IMPDH2: variants seen among roughly 807,000 people sequenced by gnomAD.
The protein encoded by IMPDH2 is inosine monophosphate dehydrogenase 2.
IMPDH2 carries 33 observed loss-of-function variants against 57.8 expected under a neutral mutation model. The ratio of observed to expected loss-of-function variants is 0.57; its 90% CI spans 0.43 to 0.76. The LOEUF (loss-of-function observed/expected upper bound fraction) is 0.76, where lower values mean the gene tolerates loss of function less well. Among genes scored for constraint, IMPDH2 ranks in the 30% least tolerant of loss-of-function variants. IMPDH2 has a pLI of 0.00. For synonymous variants in IMPDH2, 270 were observed against 241.3 expected, an observed-to-expected ratio of 1.12 and a Z score of -1.10; for missense variants, 446 against 659.1, an observed-to-expected ratio of 0.68 and a Z score of 3.54.
chr3:49,026,821 T>TC lies in IMPDH2; in HGVS notation c.684dup (p.Lys229GlufsTer26), dbSNP rs1241967939. 6.2e-7 allele frequency: 1 copy of TC among 1,614,248 alleles called. No homozygotes were observed. Among genetic ancestry groups the TC allele is most frequent in the Admixed American group, 1.7e-5 (1 of 60,032 alleles). On this transcript the variant is annotated frameshift_variant, in exon 7 of 14. Transcript: ENST00000326739. LOFTEE classifies it high-confidence loss of function. The stretch of plus-strand genomic sequence containing the variant: ...GAGGCTAGTGGGTAGTCCCGATTCT[T>TC]CTTCAGGTCTGTCCGGGCAATGATG...
intron 1 of IMPDH2, 131 bp downstream of exon 1, chr3:49,029,122 G>C (rs755856149): frequency 1.3e-6 from 1 of 743,226 alleles, no homozygotes. Context: ...GTGAGCCCCG[G>C]AGGTGGGTGG....
chr3:49,027,197 T>C (rs575172451), intron 5 of IMPDH2, 150 bp from the exon 6 acceptor site: 10 of 676,044 alleles, frequency 1.5e-5, no homozygotes, highest in Non-Finnish European at 2.4e-5. Flanking sequence ...GGTTTCACCA[T>C]GTTGGCCAGG....
chr3:49,026,298 TG>T (rs1411611689), intron 9 of IMPDH2, 25 bp downstream of exon 9: 1 of 1,506,352 alleles, frequency 6.6e-7, no homozygotes, highest in Non-Finnish European at 9.1e-7. Context: ...GGGGTCTCTG[TG>T]GGCCCTATCA....
At chr3:49,028,979 C>G in intron 1 of IMPDH2, 173 bp from the exon 2 acceptor site, 1 of 669,334 alleles carries the variant, frequency 1.5e-6, no homozygotes, top group Non-Finnish European at 2.7e-6. Flanking sequence ...ACCTTTTCTG[C>G]CACCGAGCTG....
intron 1 of IMPDH2, 77 bp from the exon 2 acceptor site, chr3:49,028,883 C>A: frequency 8.9e-7 from 1 of 1,122,988 alleles, no homozygotes; most frequent in South Asian, 1.3e-5. Context: ...ATGTACCAAT[C>A]AACCCGTAAC....
chr3:49,025,481 C>T (rs999371463), intron 9 of IMPDH2: 14 of 584,604 alleles, frequency 2.4e-5, no homozygotes, highest in Middle Eastern at 4.6e-4. Flanking sequence ...CACATGTGCA[C>T]GTGCATGTGT....
chr3:49,028,178 C>T (rs1050167200), intron 4 of IMPDH2, 70 bp downstream of exon 4: 4 of 1,254,424 alleles, frequency 3.2e-6, no homozygotes, highest in African/African-American at 1.5e-5. Context: ...AGAATAAACC[C>T]CTACTCCCAC....
Position 49,028,531 on chromosome 3 carries a change from T to C in IMPDH2, c.149A>G (p.Asp50Gly). 6.2e-7 allele frequency: 1 copy of C among 1,611,494 alleles called. No individual in the cohort carries two copies. Among genetic ancestry groups the C allele is most frequent in the African/African-American group, 1.3e-5 (1 of 74,974 alleles). The change falls in exon 3 of 14, where the codon GAC (aspartate) becomes GGC (glycine). Residue 50 changes from aspartate (D) to glycine (G), a missense_variant and splice_region_variant. By Grantham distance (94) the Asp-to-Gly change is moderately conservative. Coordinates refer to ENST00000326739, the MANE Select transcript of IMPDH2 (RefSeq NM_000884.3). Reference sequence around the variant, plus strand: ...TTTCTTGGTCAGAGCAGAAGTCAGGTCCTGAGGAGACAAACGTCAACCAGT... The same window carrying C: ...TTTCTTGGTCAGAGCAGAAGTCAGGCCCTGAGGAGACAAACGTCAACCAGT... Reference protein sequence around the residue: ...GYIDFTADQVDLTSALTKKIT... With the variant: ...GYIDFTADQVGLTSALTKKIT...
In IMPDH2 at chr3:49,025,277, G is replaced by C. The variant is rs1160770782; in HGVS notation, c.1007-8C>G. ...GCCGCCCACAGGCCAGCACTGTTGA[G>C]ATGGAGGAACACATGGGTGGATAGG... On this transcript the variant is annotated splice_region_variant and splice_polypyrimidine_tract_variant and intron_variant, in intron 9 of 13. Coordinates refer to ENST00000326739, the MANE Select transcript of IMPDH2 (RefSeq NM_000884.3). 1 of 1,614,222 alleles carries C rather than the reference G, an allele frequency of 6.2e-7. No individual in the cohort carries two copies. Among genetic ancestry groups the C allele is most frequent in the South Asian group, 1.1e-5 (1 of 91,088 alleles).
chr3:49,028,722 C>T, intron 2 of IMPDH2, 36 bp downstream of exon 2: 2 of 1,581,462 alleles, frequency 1.3e-6, no homozygotes, highest in Non-Finnish European at 1.7e-6. Flanking sequence ...CTTAGCTCAC[C>T]TTGATGTTCA....
At chr3:49,027,095 C>G (rs190064444) in intron 5 of IMPDH2, 48 bp from the exon 6 acceptor site, 2 of 1,377,128 alleles carry the variant, frequency 1.5e-6, no homozygotes, top group Admixed American at 1.7e-5. Context: ...CGACTATGAC[C>G]AGTTAACTCT....
intron 8 of IMPDH2, 21 bp from the exon 9 acceptor site, chr3:49,026,440 A>T: frequency 2.5e-6 from 4 of 1,610,720 alleles, no homozygotes; most frequent in Non-Finnish European, 3.4e-6. Flanking sequence ...GGAAAGGAAA[A>T]TGCTCATGTG....
intron 12 of IMPDH2, 25 bp from the exon 13 acceptor site, chr3:49,024,603 T>C: frequency 6.2e-7 from 1 of 1,614,180 alleles, no homozygotes; most frequent in Non-Finnish European, 8.5e-7. Flanking sequence ...AGGTCAAATG[T>C]GGGTAGCTGG....
intron 13 of IMPDH2, 45 bp from the exon 14 acceptor site, chr3:49,024,449 A>T: frequency 6.2e-6 from 10 of 1,614,112 alleles, no homozygotes; most frequent in Non-Finnish European, 8.5e-6. Flanking sequence ...AGGAGAAAGG[A>T]GGCATGAGGT....
At position 49,027,652 on chromosome 3, in the gene IMPDH2, C is replaced by G; in HGVS notation, c.531+58G>C. 2.1e-6 allele frequency: 3 copies of G among 1,402,848 alleles called. 1 individual carries two copies. The highest frequency in any genetic ancestry group is 3.0e-6 in the Non-Finnish European group (3 of 988,190). The allele number at this position is 1,402,848 out of a possible 1,614,324, so 86.9% of individuals were successfully genotyped here. On this transcript the variant is annotated intron_variant, in intron 5 of 13. Transcript: ENST00000326739. ...TCAGAGATGTCTTAGACAACAGAAG[C>G]CCCTTGTCTTCAACCTGGGCTGCTA...
Position 49,027,860 on chromosome 3 carries a change from C to A in IMPDH2, c.381G>T (p.Val127=). The part of the protein sequence containing the change: ...DPVVLSPKDR[V]RDVFEAKARH... Reference sequence around the variant, plus strand: ...GGGCCTTGGCCTCAAAAACATCCCGCACGCGATCCTTGGGGCTGAGGACCA... The same window carrying A: ...GGGCCTTGGCCTCAAAAACATCCCGAACGCGATCCTTGGGGCTGAGGACCA... The change falls in exon 5 of 14, where the codon GTG becomes GTT. Residue 127 remains valine, a synonymous_variant. Transcript: ENST00000326739. The A allele has an allele frequency of 6.2e-7, 1 of 1,614,226 alleles. No individual in the cohort carries two copies. The highest frequency in any genetic ancestry group is 8.5e-7 in the Non-Finnish European group (1 of 1,180,038).
chr3:49,028,635 C>T, intron 2 of IMPDH2, 103 bp from the exon 3 acceptor site: 2 of 1,303,148 alleles, frequency 1.5e-6, no homozygotes, highest in South Asian at 1.2e-5. Flanking sequence ...TGCATGCTAA[C>T]AAGCAACATG....
chr3:49,025,991 T>G (rs1231735881), intron 9 of IMPDH2: 1 of 479,984 alleles, frequency 2.1e-6, no homozygotes, highest in East Asian at 6.2e-5. Flanking sequence ...CGGGCTGGAC[T>G]TACTATAGCA....
At chr3:49,028,223 T>G in intron 4 of IMPDH2, 25 bp downstream of exon 4, 5 of 1,599,420 alleles carry the variant, frequency 3.1e-6, no homozygotes, top group Non-Finnish European at 4.3e-6. Context: ...CAGGAGCGCT[T>G]GCTAATGATC....
Sources: gnomAD v4.1 joint callset for allele counts on GRCh38, gnomAD v4.1.1 for gene constraint, MANE v1.5 for transcripts, NCBI Gene and HGNC (gene_info 2026-07-23, HGNC 2026-07-21) for gene names.